The following TMEM132D variants were observed in gnomAD, a reference collection of about 807,000 sequenced individuals.
TMEM132D encodes the protein transmembrane protein 132D.
In TMEM132D, 21 loss-of-function variants were observed where a neutral mutation model predicts 62.3. That is an observed-to-expected ratio of 0.34 (90% CI 0.24 to 0.49). The LOEUF is 0.49. TMEM132D is among the 20% of genes least tolerant of loss of function. The probability of loss-of-function intolerance (pLI) is 0.99; values close to 1 mark genes in which losing one functional copy is unlikely to be tolerated. For missense variants in TMEM132D, 1,346 were observed against 1,402.8 expected (o/e 0.96, Z 0.65); for synonymous variants, 621 against 575.6 (o/e 1.08, Z -1.13).
intron 2 of TMEM132D, among the ~76,000 whole-genome samples, chr12:129,646,564 A>G (rs1017858592): frequency 6.6e-6 from 1 of 151,972 alleles, no homozygotes; most frequent in Non-Finnish European, 1.5e-5. Flanking sequence ...TGTCCCCACC[A>G]CCCAGAGATA....
At position 129,763,490 on chromosome 12, in the gene TMEM132D, C is replaced by T. The variant is rs140175693; in HGVS notation, c.80-62792G>A. 9.9e-4 allele frequency among the ~76,000 whole-genome samples: 147 copies of T among 147,932 alleles called. 1 individual carries two copies. Among genetic ancestry groups the T allele is most frequent in the Admixed American group, 1.9e-3 (28 of 14,612 alleles). ...GCAGCTTTAGGTTTGGCACTTGGAA[C>T]GCCAATAATTGACTGATACTGAGCT... On this transcript the variant is annotated intron_variant, in intron 1 of 8. Transcript: ENST00000422113.
intron 2 of TMEM132D, chr12:129,683,118 A>T (rs1880825523): frequency 6.6e-6 from 1 of 151,670 alleles, no homozygotes; most frequent in Admixed American, 6.6e-5. Context: ...TAGCTCAGTC[A>T]CTTTAGTGCT....
At chr12:129,160,948 A>G (rs1253422535) in intron 5 of TMEM132D, among the ~76,000 whole-genome samples, 2 of 152,164 alleles carry the variant, frequency 1.3e-5, no homozygotes, top group Non-Finnish European at 2.9e-5. Flanking sequence ...CTGAGTTGAG[A>G]TGCGGTTGCA....
intron 2 of TMEM132D, among the ~76,000 whole-genome samples, chr12:129,662,407 C>T (rs1880259171): frequency 6.6e-6 from 1 of 152,192 alleles, no homozygotes; most frequent in Non-Finnish European, 1.5e-5. Context: ...AGCCTTCTTA[C>T]TCACCACGGC....
rs117961825 is a variant in TMEM132D at position 129,633,012 on chromosome 12, G to T, written c.968+66798C>A. Among the ~76,000 whole-genome samples, 84 of 152,254 alleles carry T rather than the reference G, an allele frequency of 5.5e-4. 1 individual carries two copies. The East Asian group carries it at 0.016, about 29-fold the overall frequency. On this transcript the variant is annotated intron_variant, in intron 2 of 8. Transcript: ENST00000422113. ...CTGATTCACTTTAAATCCCACATAG[G>T]GGTAAGTAGGATGCTTGGCTTAAAT... is the stretch of plus-strand genomic sequence containing the variant.
At chr12:129,180,304 G>C (rs1488471987) in intron 5 of TMEM132D, among the ~76,000 whole-genome samples, 1 of 152,136 alleles carries the variant, frequency 6.6e-6, no homozygotes, top group Non-Finnish European at 1.5e-5. Flanking sequence ...CCACTCACAT[G>C]GTGTCCACAG....
intron 3 of TMEM132D, among the ~76,000 whole-genome samples, chr12:129,416,142 T>G (rs757622638): frequency 1.3e-5 from 2 of 152,240 alleles, no homozygotes; most frequent in Non-Finnish European, 2.9e-5. Flanking sequence ...TAAATTACTT[T>G]GGGCAGTATG....
At chr12:129,206,567 A>G (rs1159699607) in intron 5 of TMEM132D, among the ~76,000 whole-genome samples, 1 of 152,256 alleles carries the variant, frequency 6.6e-6, no homozygotes, top group Non-Finnish European at 1.5e-5. Context: ...AGCTAAAAAC[A>G]GAACTACCAT....
At chr12:129,677,638 G>A (rs866134655) in intron 2 of TMEM132D, among the ~76,000 whole-genome samples, 13 of 152,048 alleles carry the variant, frequency 8.5e-5, no homozygotes, top group African/African-American at 2.9e-4. Context: ...ACGTATATAC[G>A]TATTAGAACA....
intron 1 of TMEM132D, among the ~76,000 whole-genome samples, chr12:129,754,237 C>T: frequency 6.6e-6 from 1 of 152,192 alleles, no homozygotes; most frequent in Non-Finnish European, 1.5e-5. Context: ...AACAGAATCC[C>T]TATCAGATAT....
intron 1 of TMEM132D, among the ~76,000 whole-genome samples, chr12:129,747,492 TCACA>T (rs954563027): frequency 2.9e-5 from 4 of 136,590 alleles, no homozygotes; most frequent in East Asian, 2.2e-4. Flanking sequence ...AGATACCCTC[TCACA>T]CACACTCAGA....
chr12:129,493,688 C>T (rs550138071), intron 3 of TMEM132D, among the ~76,000 whole-genome samples: 1 of 152,284 alleles, frequency 6.6e-6, no homozygotes, highest in Non-Finnish European at 1.5e-5. Flanking sequence ...AGACAGTGCA[C>T]CTATTATCTT....
intron 4 of TMEM132D, among the ~76,000 whole-genome samples, chr12:129,320,893 A>G (rs1868678466): frequency 6.6e-6 from 1 of 152,110 alleles, no homozygotes; most frequent in African/African-American, 2.4e-5. Flanking sequence ...CATGCGAAAG[A>G]GGAGTACCAA....
intron 2 of TMEM132D, among the ~76,000 whole-genome samples, chr12:129,678,160 G>T (rs890322327): frequency 6.6e-6 from 1 of 152,076 alleles, no homozygotes; most frequent in African/African-American, 2.4e-5. Flanking sequence ...GTGAACAAGT[G>T]TAAGAGTTTC....
chr12:129,826,815 G>A (rs1472896764), intron 1 of TMEM132D, among the ~76,000 whole-genome samples: 1 of 152,132 alleles, frequency 6.6e-6, no homozygotes. Context: ...TGCAGGTGTG[G>A]GGAGAAGCTT....
intron 3 of TMEM132D, among the ~76,000 whole-genome samples, chr12:129,418,893 G>A (rs1024099722): frequency 1.3e-5 from 2 of 152,260 alleles, no homozygotes; most frequent in Non-Finnish European, 2.9e-5. Flanking sequence ...ACAGGGCAGA[G>A]GGCAATGTGA....
chr12:129,436,474 T>G (rs145776593), intron 3 of TMEM132D, among the ~76,000 whole-genome samples: 212 of 152,256 alleles, frequency 1.4e-3, no homozygotes, highest in African/African-American at 5.0e-3. Flanking sequence ...GTAGCAGTGG[T>G]GTGAGGCAGC....
intron 3 of TMEM132D, among the ~76,000 whole-genome samples, chr12:129,375,888 G>A (rs965461695): frequency 2.6e-5 from 4 of 152,140 alleles, no homozygotes; most frequent in African/African-American, 7.2e-5. Flanking sequence ...ACTCATGTTT[G>A]AGCCCCAGCC....
At chr12:129,813,631 T>TATATATATATA (rs36010730) in intron 1 of TMEM132D, among the ~76,000 whole-genome samples, 6 of 144,018 alleles carry the variant, frequency 4.2e-5, no homozygotes, top group Non-Finnish European at 6.1e-5. Context: ...TATATATATA[T>TATATATATATA]TTTCAGGACT....
Sources: gnomAD v4.1 joint callset for allele counts (sites outside exome capture counted in the v4.1 genomes callset) on GRCh38, gnomAD v4.1.1 for gene constraint, MANE v1.5 for transcripts, NCBI Gene and HGNC (gene_info 2026-07-23, HGNC 2026-07-21) for gene names.